FNBP1L: variants seen among roughly 807,000 people sequenced by gnomAD.
FNBP1L encodes the protein formin binding protein 1 like, also known as formin-binding protein 1-like.
Under a neutral mutation model 91.2 loss-of-function variants are expected in FNBP1L, and 36 were observed. The observed-to-expected ratio is 0.39, with a 90% CI of 0.30 to 0.52. The LOEUF (loss-of-function observed/expected upper bound fraction) is 0.52. FNBP1L is among the 20% of genes least tolerant of loss of function. The probability of loss-of-function intolerance (pLI) is 0.66; values close to 1 mark genes in which losing one functional copy is unlikely to be tolerated. For missense variants in FNBP1L, 571 were observed against 732.1 expected, an observed-to-expected ratio of 0.78 and a Z score of 2.54; for synonymous variants, 242 against 237.0, an observed-to-expected ratio of 1.02 and a Z score of -0.19.
At position 93,504,902 on chromosome 1, in the gene FNBP1L, T is replaced by A. The variant is rs1046960795; in HGVS notation, c.140+5319T>A. Among the ~76,000 whole-genome samples the A allele has an allele frequency of 2.0e-5, 3 of 152,212 alleles. No homozygotes were observed. The South Asian group carries it at 6.2e-4, about 32-fold the overall frequency. On this transcript the variant is annotated intron_variant, in intron 2 of 16. Coordinates refer to ENST00000271234, the MANE Select transcript of FNBP1L (RefSeq NM_001164473.3). The stretch of plus-strand genomic sequence containing the variant: ...TAGGTTGCCTTTTCATTCTCTTGAT[T>A]GTGTCCTTCTATGCATTGAAGTTTT...
chr1:93,524,276 C>A lies in FNBP1L; in HGVS notation c.358C>A (p.Arg120=). ...TAATCTTCAGCATCTGCAAGAAGGACGAAAAGCTCAACAATATCTTGACAT... is the reference window on the plus strand; with the variant it reads ...TAATCTTCAGCATCTGCAAGAAGGAAGAAAAGCTCAACAATATCTTGACAT... ...TERKMHLQEG[R]KAQQYLDMCW... Residue 120 remains arginine, a synonymous_variant, in exon 5 of 17, where the codon CGA becomes AGA. Transcript: ENST00000271234. The A allele has an allele frequency of 6.7e-7, 1 of 1,498,436 alleles. No individual in the cohort carries two copies. Among genetic ancestry groups the A allele is most frequent in the Non-Finnish European group, 8.9e-7 (1 of 1,121,702 alleles). The allele number at this position is 1,498,436 out of a possible 1,614,324, so 92.8% of individuals were successfully genotyped here.
intron 1 of FNBP1L, 105 bp downstream of exon 1, chr1:93,448,410 C>T (rs1357493213): frequency 4.0e-6 from 5 of 1,252,746 alleles, no homozygotes; most frequent in East Asian, 3.1e-5. Flanking sequence ...CCGCCGTCCT[C>T]GGTCCGGCGC....
At chr1:93,474,159 G>A (rs1171108418) in intron 1 of FNBP1L, among the ~76,000 whole-genome samples, 1 of 152,144 alleles carries the variant, frequency 6.6e-6, no homozygotes, top group Non-Finnish European at 1.5e-5. Flanking sequence ...CAGGAGAATT[G>A]CTTGAACCGG....
intron 3 of FNBP1L, among the ~76,000 whole-genome samples, 184 bp from the exon 4 acceptor site, chr1:93,523,160 T>C (rs1412041269): frequency 2.6e-5 from 4 of 152,216 alleles, no homozygotes; most frequent in African/African-American, 9.7e-5. Flanking sequence ...CTTGAAGATA[T>C]ACAAACATGT....
intron 9 of FNBP1L, among the ~76,000 whole-genome samples, chr1:93,536,003 C>T (rs1454289615): frequency 6.6e-6 from 1 of 151,896 alleles, no homozygotes; most frequent in East Asian, 1.9e-4. Context: ...TGACAAGTAC[C>T]ATGGTAATGC....
chr1:93,524,231 A>ATT, intron 4 of FNBP1L, 30 bp from the exon 5 acceptor site: 1 of 1,424,114 alleles, frequency 7.0e-7, no homozygotes, highest in South Asian at 1.6e-5. Flanking sequence ...TTTTATTTTT[A>ATT]TTTTTTTTGG....
intron 2 of FNBP1L, among the ~76,000 whole-genome samples, chr1:93,504,326 A>G (rs1670535066): frequency 6.6e-6 from 1 of 152,164 alleles, no homozygotes; most frequent in Non-Finnish European, 1.5e-5. Flanking sequence ...TCTGCTAAGA[A>G]CAGTCCTAAA....
intron 1 of FNBP1L, among the ~76,000 whole-genome samples, chr1:93,460,794 A>G (rs903027882): frequency 1.3e-5 from 2 of 152,194 alleles, no homozygotes; most frequent in Admixed American, 1.3e-4. Context: ...AAGTGGGGAG[A>G]TGTTTGTCAA....
intron 1 of FNBP1L, among the ~76,000 whole-genome samples, chr1:93,478,306 CAG>C (rs373065741): frequency 8.0e-5 from 12 of 150,576 alleles, no homozygotes; most frequent in African/African-American, 9.7e-5. Flanking sequence ...AGAGCCTAAG[CAG>C]AGAGAGAGAG....
At chr1:93,548,211 GT>G in intron 14 of FNBP1L, among the ~76,000 whole-genome samples, 1 of 152,238 alleles carries the variant, frequency 6.6e-6, no homozygotes, top group African/African-American at 2.4e-5. Flanking sequence ...CAAATTACTG[GT>G]TTTTGTTATT....
At chr1:93,451,499 A>C (rs941372521) in intron 1 of FNBP1L, among the ~76,000 whole-genome samples, 1 of 152,180 alleles carries the variant, frequency 6.6e-6, no homozygotes, top group African/African-American at 2.4e-5. Context: ...ATGCTGGACA[A>C]GTCTGGTAGT....
chr1:93,473,793 G>A (rs1363333349), intron 1 of FNBP1L, among the ~76,000 whole-genome samples: 2 of 152,182 alleles, frequency 1.3e-5, no homozygotes, highest in Non-Finnish European at 2.9e-5. Context: ...AGTGGTGGAT[G>A]GTGCATTACC....
At chr1:93,496,234 C>G (rs1459820023) in intron 1 of FNBP1L, among the ~76,000 whole-genome samples, 2 of 151,534 alleles carry the variant, frequency 1.3e-5, no homozygotes, top group South Asian at 2.1e-4. Context: ...CTCCCCCTCC[C>G]CACCTCCCCC....
rs750010250 is a variant in FNBP1L at position 93,530,875 on chromosome 1, A to C, written c.631A>C (p.Ile211Leu). ...ACATTTTTATGTAGTGATTCCTCAG[A>C]TTTACAAGGTAAATCTTAGATATGA... Reference protein sequence around the residue: ...HKHFYVVIPQIYKQLQEMDER... With the variant: ...HKHFYVVIPQLYKQLQEMDER... Residue 211 changes from isoleucine (I) to leucine (L), a missense_variant, in exon 7 of 17, where the codon ATT becomes CTT. Ile to Leu is a conservative substitution (Grantham distance 5). This residue lies in a region of FNBP1L where 220 missense variants were observed against 313.6 expected (regional missense o/e 0.70). Transcript: ENST00000271234. 6.5e-7 allele frequency: 1 copy of C among 1,536,814 alleles called. No individual in the cohort carries two copies. The highest frequency in any genetic ancestry group is 1.2e-5 in the South Asian group (1 of 81,632).
At chr1:93,473,367 C>T (rs1669371569) in intron 1 of FNBP1L, among the ~76,000 whole-genome samples, 1 of 151,984 alleles carries the variant, frequency 6.6e-6, no homozygotes, top group African/African-American at 2.4e-5. Flanking sequence ...GCCGGCTCTG[C>T]GAGATAAGTA....
intron 2 of FNBP1L, among the ~76,000 whole-genome samples, chr1:93,500,955 G>C (rs2101726438): frequency 6.6e-6 from 1 of 152,230 alleles, no homozygotes; most frequent in South Asian, 2.1e-4. Flanking sequence ...TAATCACAGT[G>C]ATGATGTTTC....
chr1:93,515,539 G>A (rs1671062993), intron 2 of FNBP1L, among the ~76,000 whole-genome samples: 1 of 152,074 alleles, frequency 6.6e-6, no homozygotes. Context: ...TGATAGACTG[G>A]ATTAAGAAAA....
chr1:93,481,548 T>TA (rs2101708237), intron 1 of FNBP1L, among the ~76,000 whole-genome samples: 1 of 152,318 alleles, frequency 6.6e-6, no homozygotes, highest in Non-Finnish European at 1.5e-5. Context: ...AAGTCACACT[T>TA]ACAAGCCTCT....
At chr1:93,497,505 G>C (rs1670305372) in intron 1 of FNBP1L, among the ~76,000 whole-genome samples, 1 of 152,128 alleles carries the variant, frequency 6.6e-6, no homozygotes, top group African/African-American at 2.4e-5. Context: ...CTAGAAACTA[G>C]ATATCATAGT....
Sources: gnomAD v4.1 joint callset for allele counts (sites outside exome capture counted in the v4.1 genomes callset) on GRCh38, gnomAD v4.1.1 for gene constraint, gnomAD v4.1.1 regional missense constraint, MANE v1.5 for transcripts, NCBI Gene and HGNC (gene_info 2026-07-23, HGNC 2026-07-21) for gene names.